Variants in SYNPR observed in about 807,000 individuals in gnomAD.
SYNPR encodes synaptoporin.
In SYNPR, 23 loss-of-function variants were observed where a neutral mutation model predicts 32.9. The ratio of observed to expected loss-of-function variants is 0.70; its 90% CI spans 0.50 to 0.99. The LOEUF is 0.99. Among genes scored for constraint, SYNPR ranks in the 50% least tolerant of loss-of-function variants. SYNPR has a pLI of 0.00. For missense variants in SYNPR, 318 were observed against 349.3 expected, an observed-to-expected ratio of 0.91 and a Z score of 0.71; for synonymous variants, 146 against 135.9, an observed-to-expected ratio of 1.07 and a Z score of -0.52.
intron 2 of SYNPR, chr3:63,351,429 C>T (rs368365343): frequency 4.6e-5 from 7 of 152,154 alleles, no homozygotes; most frequent in African/African-American, 7.2e-5. Context: ...CTCGCTTTCC[C>T]GTTTCCAAGA....
At chr3:63,513,175 C>A (rs370512505) in intron 3 of SYNPR, among the ~76,000 whole-genome samples, 4 of 145,896 alleles carry the variant, frequency 2.7e-5, no homozygotes, top group South Asian at 2.3e-4. Flanking sequence ...CCCCACACTC[C>A]TACACATAAG....
intron 2 of SYNPR, among the ~76,000 whole-genome samples, chr3:63,264,688 C>T (rs566030019): frequency 1.3e-5 from 2 of 152,270 alleles, no homozygotes; most frequent in African/African-American, 2.4e-5. Flanking sequence ...ATACCCCAGA[C>T]TGGGTAATTT....
intron 2 of SYNPR, among the ~76,000 whole-genome samples, chr3:63,381,007 C>T (rs1408036674): frequency 1.3e-5 from 2 of 152,144 alleles, no homozygotes; most frequent in Non-Finnish European, 2.9e-5. Context: ...CAGGGATGCC[C>T]TCTCTCACCA....
intron 2 of SYNPR, among the ~76,000 whole-genome samples, chr3:63,372,283 G>T (rs114918491): frequency 0.028 from 4,271 of 152,122 alleles, 149 homozygotes; most frequent in African/African-American, 0.081. Flanking sequence ...TTCTCACCAA[G>T]TGAAGGCCCC....
chr3:63,524,268 T>C (rs1701964981), intron 3 of SYNPR, among the ~76,000 whole-genome samples: 5 of 152,154 alleles, frequency 3.3e-5, no homozygotes, highest in Admixed American at 2.6e-4. Context: ...CATTCTACAC[T>C]TTGAGAAATA....
At chr3:63,583,239 T>A (rs1345351793) in intron 4 of SYNPR, among the ~76,000 whole-genome samples, 1 of 152,038 alleles carries the variant, frequency 6.6e-6, no homozygotes, top group African/African-American at 2.4e-5. Flanking sequence ...GGTCAATCAG[T>A]TAAGGCAGGA....
chr3:63,353,632 C>T (rs989239721), intron 2 of SYNPR, among the ~76,000 whole-genome samples: 6 of 152,292 alleles, frequency 3.9e-5, no homozygotes, highest in South Asian at 2.1e-4. Context: ...ACTGATGATT[C>T]CGATCCTCCT....
intron 2 of SYNPR, among the ~76,000 whole-genome samples, chr3:63,262,197 T>A (rs1178809290): frequency 6.6e-6 from 1 of 151,892 alleles, no homozygotes; most frequent in Admixed American, 6.6e-5. Context: ...CACCGCTGAA[T>A]TGGGGTATGC....
intron 4 of SYNPR, among the ~76,000 whole-genome samples, chr3:63,600,331 G>C (rs1700021514): frequency 6.6e-6 from 1 of 152,174 alleles, no homozygotes; most frequent in Non-Finnish European, 1.5e-5. Context: ...TCTGTGCCAG[G>C]AGGGGACAGG....
rs2086595940 is a variant in SYNPR, at chr3:63,278,387, C to T, written c.-147C>T. ...GCCCAGCGTTAGCGGGTGGGCTCCC[C>T]GAGGCCCCCTGCCCTCGCCGGGCTG... On this transcript the variant is annotated 5_prime_UTR_variant, in exon 1 of 6. Transcript: ENST00000478300. 9.3e-7 allele frequency: 1 copy of T among 1,070,362 alleles called. No homozygotes were observed. The highest frequency in any genetic ancestry group is 1.3e-6 in the Non-Finnish European group (1 of 759,474). The allele number at this position is 1,070,362 out of a possible 1,614,324, so 66.3% of individuals were successfully genotyped here.
intron 2 of SYNPR, among the ~76,000 whole-genome samples, chr3:63,419,686 G>A (rs115630949): frequency 4.4e-4 from 67 of 152,308 alleles, no homozygotes; most frequent in African/African-American, 1.6e-3. Context: ...GAGCTGAGTA[G>A]CAGTTGCCCC....
chr3:63,562,709 A>G (rs561276443), intron 4 of SYNPR, among the ~76,000 whole-genome samples: 1 of 152,360 alleles, frequency 6.6e-6, no homozygotes, highest in African/African-American at 2.4e-5. Context: ...TGAGCGCTAG[A>G]CATTGGAAAA....
intron 5 of SYNPR, among the ~76,000 whole-genome samples, chr3:63,614,316 C>T (rs937629033): frequency 2.0e-5 from 3 of 152,226 alleles, no homozygotes; most frequent in Non-Finnish European, 4.4e-5. Flanking sequence ...GAAAAGGCTG[C>T]AGAACAAGTC....
intron 2 of SYNPR, among the ~76,000 whole-genome samples, chr3:63,428,717 G>T (rs963397132): frequency 3.3e-5 from 5 of 152,176 alleles, no homozygotes; most frequent in Non-Finnish European, 7.3e-5. Context: ...TGGAACAACG[G>T]GATAATAGAT....
chr3:63,271,296 G>T (rs2086534256), intron 3 of SYNPR, among the ~76,000 whole-genome samples: 1 of 152,100 alleles, frequency 6.6e-6, no homozygotes, highest in Non-Finnish European at 1.5e-5. Flanking sequence ...GGCAGGCAGA[G>T]ATTATAACCA....
intron 1 of SYNPR, among the ~76,000 whole-genome samples, chr3:63,250,885 C>T (rs1180383863): frequency 6.6e-6 from 1 of 152,036 alleles, no homozygotes; most frequent in Non-Finnish European, 1.5e-5. Context: ...ATTAATGTTA[C>T]TCATTATAAG....
At chr3:63,499,785 T>G (rs1701443149) in intron 3 of SYNPR, among the ~76,000 whole-genome samples, 1 of 152,146 alleles carries the variant, frequency 6.6e-6, no homozygotes, top group Admixed American at 6.6e-5. Flanking sequence ...GGTCTCTGTT[T>G]CTTTCTAATA....
At chr3:63,328,397 A>T (rs966144573) in intron 2 of SYNPR, among the ~76,000 whole-genome samples, 28 of 152,170 alleles carry the variant, frequency 1.8e-4, no homozygotes, top group African/African-American at 6.3e-4. Context: ...ATATCAAATG[A>T]GACTGGTCTA....
chr3:63,232,502 G>C (rs555559056), intron 1 of SYNPR, among the ~76,000 whole-genome samples: 43 of 152,206 alleles, frequency 2.8e-4, no homozygotes, highest in African/African-American at 7.9e-4. Flanking sequence ...ACCGTGCCCT[G>C]CCCCAGATTC....
Sources: allele counts gnomAD v4.1 joint callset (sites outside exome capture counted in the v4.1 genomes callset), GRCh38; gene constraint gnomAD v4.1.1; transcripts MANE v1.5; gene names NCBI Gene and HGNC (gene_info 2026-07-23, HGNC 2026-07-21).